Variants in TET2 observed in about 807,000 individuals in gnomAD.
TET2 encodes the protein methylcytosine dioxygenase TET2.
In TET2, 299 loss-of-function variants were observed where a neutral mutation model predicts 142.9. The ratio of observed to expected loss-of-function variants is 2.09; its 90% CI spans 1.90 to 2.30. TET2 has a LOEUF of 2.30. TET2 is among the 30% of genes most tolerant of loss of function. TET2 has a pLI of 0.00. For missense variants in TET2, 2,418 were observed against 2,378.0 expected, an observed-to-expected ratio of 1.02 and a Z score of -0.35; for synonymous variants, 819 against 849.0, an observed-to-expected ratio of 0.96 and a Z score of 0.61.
chr4:105,245,867 A>G, intron 6 of TET2, among the ~76,000 whole-genome samples: 1 of 152,326 alleles, frequency 6.6e-6, no homozygotes, highest in South Asian at 2.1e-4. Context: ...TGTGAAAATG[A>G]TAGTTTTAAA....
At chr4:105,167,889 C>T (rs996344222) in intron 1 of TET2, among the ~76,000 whole-genome samples, 5 of 152,130 alleles carry the variant, frequency 3.3e-5, no homozygotes, top group African/African-American at 4.8e-5. Context: ...CCCGTAAGGA[C>T]GTAATCTTGC....
chr4:105,190,045 CTG>C (rs1050057624), intron 1 of TET2, among the ~76,000 whole-genome samples: 1 of 152,200 alleles, frequency 6.6e-6, no homozygotes, highest in African/African-American at 2.4e-5. Flanking sequence ...GTAAGCCACA[CTG>C]TGAACCACTG....
chr4:105,176,278 A>T (rs1724790117), intron 1 of TET2, among the ~76,000 whole-genome samples: 1 of 152,186 alleles, frequency 6.6e-6, no homozygotes, highest in Non-Finnish European at 1.5e-5. Context: ...TTCCTACTGG[A>T]AGTGCTACCT....
At chr4:105,241,243 C>G (rs1476851093) in intron 3 of TET2, 96 bp from the exon 4 acceptor site, 1 of 1,397,964 alleles carries the variant, frequency 7.2e-7, no homozygotes, top group African/African-American at 1.5e-5. Context: ...ACTTTTAGAG[C>G]CCTTAATGTG....
intron 1 of TET2, among the ~76,000 whole-genome samples, chr4:105,178,234 A>C (rs1488351198): frequency 6.6e-6 from 1 of 152,240 alleles, no homozygotes; most frequent in Non-Finnish European, 1.5e-5. Context: ...ACTGTGGTAC[A>C]TCCAGATGTA....
chr4:105,185,252 A>G (rs1030721223), intron 1 of TET2, among the ~76,000 whole-genome samples: 2 of 152,090 alleles, frequency 1.3e-5, no homozygotes, highest in Non-Finnish European at 2.9e-5. Flanking sequence ...TTTCCCCAAA[A>G]TGAAATGTTT....
chr4:105,217,995 G>A (rs926494324), intron 2 of TET2, among the ~76,000 whole-genome samples: 7 of 152,198 alleles, frequency 4.6e-5, no homozygotes, highest in African/African-American at 1.7e-4. Context: ...GTTGACTCGA[G>A]TGAAGGAAAT....
chr4:105,255,839 G>A (rs1477776275), intron 6 of TET2, among the ~76,000 whole-genome samples: 1 of 151,788 alleles, frequency 6.6e-6, no homozygotes, highest in African/African-American at 2.4e-5. Context: ...CTGCCATTTT[G>A]TCTGTATCTT....
chr4:105,261,964 A>G (rs1376636306), intron 8 of TET2, 116 bp downstream of exon 8: 1 of 677,790 alleles, frequency 1.5e-6, no homozygotes, highest in Non-Finnish European at 2.5e-6. Flanking sequence ...TTTTCCTCTT[A>G]ATTGTTGAAA....
At chr4:105,246,587 C>T (rs62330911) in intron 6 of TET2, among the ~76,000 whole-genome samples, 64,743 of 152,096 alleles carry the variant, frequency 0.43, 14,525 homozygotes, top group Non-Finnish European at 0.52. Flanking sequence ...AAAATAGACA[C>T]GTATCCAATG....
At chr4:105,237,528 A>G (rs1729029031) in intron 3 of TET2, 177 bp downstream of exon 3, 1 of 1,574,674 alleles carries the variant, frequency 6.4e-7, no homozygotes, top group East Asian at 2.2e-5. Context: ...TGTCTTGTGA[A>G]AGAGAACTTC....
At chr4:105,268,417 A>G (rs938903480) in intron 8 of TET2, among the ~76,000 whole-genome samples, 2 of 152,176 alleles carry the variant, frequency 1.3e-5, no homozygotes, top group Non-Finnish European at 2.9e-5. Context: ...GAGATACACT[A>G]TGTTAATGGA....
intron 6 of TET2, among the ~76,000 whole-genome samples, chr4:105,252,863 G>T (rs768126884): frequency 1.3e-5 from 2 of 152,124 alleles, no homozygotes; most frequent in African/African-American, 2.4e-5. Flanking sequence ...GAGTTGTCCA[G>T]TTGTTCCCGT....
At chr4:105,153,673 C>T (rs542523571) in intron 1 of TET2, among the ~76,000 whole-genome samples, 6 of 152,316 alleles carry the variant, frequency 3.9e-5, no homozygotes, top group Admixed American at 3.3e-4. Flanking sequence ...ACAGCCTATA[C>T]ATGGCTTAGG....
At chr4:105,253,220 C>A (rs1402795468) in intron 6 of TET2, among the ~76,000 whole-genome samples, 1 of 152,118 alleles carries the variant, frequency 6.6e-6, no homozygotes, top group Non-Finnish European at 1.5e-5. Context: ...TTGTCAGTAT[C>A]CTCAAAATCT....
chr4:105,177,262 G>A (rs1724853543), intron 1 of TET2, among the ~76,000 whole-genome samples: 1 of 152,124 alleles, frequency 6.6e-6, no homozygotes, highest in Non-Finnish European at 1.5e-5. Context: ...GATACATGAA[G>A]GAAATGATTG....
chr4:105,159,375 A>G (rs1723729313), intron 1 of TET2, among the ~76,000 whole-genome samples: 1 of 151,122 alleles, frequency 6.6e-6, no homozygotes, highest in Non-Finnish European at 1.5e-5. Flanking sequence ...CCAGCCTCAG[A>G]CACCCAAGTA....
chr4:105,156,293 A>G (rs1224961883), intron 1 of TET2, among the ~76,000 whole-genome samples: 3 of 152,208 alleles, frequency 2.0e-5, no homozygotes, highest in Non-Finnish European at 4.4e-5. Flanking sequence ...ATGGGCTGTG[A>G]ATTTTTGCTG....
At chr4:105,160,835 G>A (rs1400341870) in intron 1 of TET2, among the ~76,000 whole-genome samples, 2 of 152,092 alleles carry the variant, frequency 1.3e-5, no homozygotes, top group African/African-American at 4.8e-5. Flanking sequence ...GGAGTGAAGC[G>A]GAGCGATCTG....
Sources: allele counts gnomAD v4.1 joint callset (sites outside exome capture counted in the v4.1 genomes callset), GRCh38; gene constraint gnomAD v4.1.1; transcripts MANE v1.5; gene names NCBI Gene and HGNC (gene_info 2026-07-23, HGNC 2026-07-21).